Variants in FAM114A1 observed in about 807,000 individuals in gnomAD.
FAM114A1 encodes protein NOXP20.
A neutral mutation model predicts 64.3 loss-of-function variants in FAM114A1; 62 were observed. The observed-to-expected ratio is 0.96, with a 90% CI of 0.79 to 1.19. The LOEUF (loss-of-function observed/expected upper bound fraction) is 1.19, where lower values mean the gene tolerates loss of function less well. FAM114A1 is among the 50% of genes most tolerant of loss of function. FAM114A1 has a pLI of 0.00. For missense variants in FAM114A1, 645 were observed against 676.3 expected, an observed-to-expected ratio of 0.95 and a Z score of 0.51; for synonymous variants, 254 against 251.1, an observed-to-expected ratio of 1.01 and a Z score of -0.11.
chr4:38,905,721 G>A lies in FAM114A1; in HGVS notation c.551-34G>A, dbSNP rs111831236. The A allele has an allele frequency of 1.2e-3, 1,979 of 1,609,278 alleles. 23 individuals carry two copies. The African/African-American group carries it at 0.02, about 16-fold the overall frequency. On this transcript the variant is annotated intron_variant, in intron 5 of 14. Coordinates refer to ENST00000358869, the MANE Select transcript of FAM114A1 (RefSeq NM_138389.4). ...GGTTTTCCAAGTTCAGATCAGCGAC[G>A]TGAACTCTTAAAGGATTTCTTTTTT...
intron 12 of FAM114A1, among the ~76,000 whole-genome samples, 188 bp from the exon 13 acceptor site, chr4:38,935,530 A>G (rs902467230): frequency 7.2e-5 from 11 of 152,200 alleles, no homozygotes; most frequent in Admixed American, 6.5e-4. Context: ...GATTAGATTA[A>G]ACTGTGATTG....
intron 8 of FAM114A1, among the ~76,000 whole-genome samples, chr4:38,917,030 C>A (rs1464365364): frequency 6.6e-6 from 1 of 151,940 alleles, no homozygotes; most frequent in African/African-American, 2.4e-5. Flanking sequence ...CTTAGCCAGG[C>A]GCAGTGGCTC....
At chr4:38,908,283 C>T (rs1233488162) in intron 6 of FAM114A1, among the ~76,000 whole-genome samples, 1 of 151,820 alleles carries the variant, frequency 6.6e-6, no homozygotes, top group African/African-American at 2.4e-5. Flanking sequence ...GTCTTAGATA[C>T]ACATCCATTC....
chr4:38,940,209 C>T (rs770453196), intron 13 of FAM114A1, among the ~76,000 whole-genome samples: 2 of 152,008 alleles, frequency 1.3e-5, no homozygotes, highest in Admixed American at 6.6e-5. Flanking sequence ...ATTTTTTGAG[C>T]CCCTGCTTTA....
At chr4:38,874,686 A>G (rs1231985322) in intron 2 of FAM114A1, among the ~76,000 whole-genome samples, 1 of 151,972 alleles carries the variant, frequency 6.6e-6, no homozygotes, top group Non-Finnish European at 1.5e-5. Flanking sequence ...CCCACTTGTC[A>G]ATTTTTGTTT....
intron 2 of FAM114A1, among the ~76,000 whole-genome samples, chr4:38,871,548 A>G (rs975438858): frequency 6.6e-6 from 1 of 152,200 alleles, no homozygotes; most frequent in African/African-American, 2.4e-5. Flanking sequence ...CCTGTTTAAC[A>G]TCTTACAGCT....
chr4:38,904,191 G>A (rs1717776960), intron 4 of FAM114A1, among the ~76,000 whole-genome samples: 1 of 152,186 alleles, frequency 6.6e-6, no homozygotes, highest in South Asian at 2.1e-4. Flanking sequence ...TTCTCCGTGA[G>A]TGCTCGGGGG....
intron 4 of FAM114A1, among the ~76,000 whole-genome samples, chr4:38,898,592 A>C (rs543706840): frequency 2.6e-5 from 4 of 152,216 alleles, no homozygotes; most frequent in Admixed American, 6.5e-5. Context: ...AGATTCTATG[A>C]ATAAAACACA....
At chr4:38,923,663 T>G (rs1406023757) in intron 9 of FAM114A1, among the ~76,000 whole-genome samples, 1 of 152,236 alleles carries the variant, frequency 6.6e-6, no homozygotes, top group Non-Finnish European at 1.5e-5. Context: ...CGGGTATATT[T>G]GCAGGTGTCC....
chr4:38,900,191 C>A (rs1717375830), intron 4 of FAM114A1, among the ~76,000 whole-genome samples: 2 of 150,574 alleles, frequency 1.3e-5, no homozygotes. Flanking sequence ...ATTTTTTTAC[C>A]ACTAATATTT....
Position 38,914,960 on chromosome 4 carries a change from G to A in FAM114A1, c.832G>A (p.Ala278Thr). 6.2e-7 allele frequency: 1 copy of A among 1,614,082 alleles called. No homozygotes were observed. The highest frequency in any genetic ancestry group is 8.5e-7 in the Non-Finnish European group (1 of 1,179,988). The change falls in exon 8 of 15, where the codon GCA becomes ACA. Residue 278 changes from alanine (A) to threonine (T), a missense_variant. By Grantham distance (58) the Ala-to-Thr change is moderately conservative. Transcript: ENST00000358869. Reference protein sequence around the residue: ...EAKEKEKQRLAQQLTMERTAH... With the variant: ...EAKEKEKQRLTQQLTMERTAH... ...TAAGGAGAAGGAGAAGCAGAGACTG[G>A]CACAGCAGCTCACGATGGAGAGAAC...
chr4:38,907,491 AATTTT>A (rs1455663280), intron 6 of FAM114A1, among the ~76,000 whole-genome samples: 1 of 152,174 alleles, frequency 6.6e-6, no homozygotes, highest in African/African-American at 2.4e-5. Flanking sequence ...TCAATAAAAT[AATTTT>A]TCATAGGATG....
At chr4:38,900,224 TTA>T (rs1491386549) in intron 4 of FAM114A1, among the ~76,000 whole-genome samples, 21 of 112,300 alleles carry the variant, frequency 1.9e-4, no homozygotes, top group African/African-American at 7.1e-4. Flanking sequence ...GACGATTATT[TTA>T]AAAAAAAAAA....
At chr4:38,925,657 T>C (rs1720034202) in intron 9 of FAM114A1, among the ~76,000 whole-genome samples, 1 of 152,250 alleles carries the variant, frequency 6.6e-6, no homozygotes, top group Admixed American at 6.5e-5. Flanking sequence ...CATGTTTGTT[T>C]TTCCAGCAGA....
At chr4:38,938,415 A>G (rs779088159) in intron 13 of FAM114A1, 1 of 152,166 alleles carries the variant, frequency 6.6e-6, no homozygotes, top group Non-Finnish European at 1.5e-5. Context: ...AAGAAATCTG[A>G]CCTGCTTCTC....
chr4:38,915,827 G>A (rs1205162773), intron 8 of FAM114A1, among the ~76,000 whole-genome samples: 1 of 149,710 alleles, frequency 6.7e-6, no homozygotes, highest in African/African-American at 2.5e-5. Flanking sequence ...CACTTACATA[G>A]CCACTATTCT....
At chr4:38,894,115 A>G (rs1176778879) in intron 4 of FAM114A1, among the ~76,000 whole-genome samples, 4 of 147,388 alleles carry the variant, frequency 2.7e-5, no homozygotes, top group Admixed American at 7.0e-5. Flanking sequence ...GTGAACAGAG[A>G]TTACGCCCCT....
At chr4:38,880,165 GAATAGA>G (rs1715109292) in intron 3 of FAM114A1, among the ~76,000 whole-genome samples, 1 of 134,890 alleles carries the variant, frequency 7.4e-6, no homozygotes. Context: ...GAATAGAATA[GAATAGA>G]ATAGAAAATA....
intron 10 of FAM114A1, among the ~76,000 whole-genome samples, 169 bp from the exon 11 acceptor site, chr4:38,931,279 GCAA>G (rs1287554803): frequency 2.0e-5 from 3 of 152,086 alleles, no homozygotes; most frequent in African/African-American, 7.2e-5. Context: ...TTACCAGAAA[GCAA>G]CAACAAGGTT....
Sources: gnomAD v4.1 joint callset for allele counts (sites outside exome capture counted in the v4.1 genomes callset) on GRCh38, gnomAD v4.1.1 for gene constraint, MANE v1.5 for transcripts, NCBI Gene and HGNC (gene_info 2026-07-23, HGNC 2026-07-21) for gene names.